Variants in GNA14 observed in about 807,000 individuals in gnomAD.
GNA14 encodes the protein G protein subunit alpha 14, also known as guanine nucleotide-binding protein subunit alpha-14.
Under a neutral mutation model 42.0 loss-of-function variants are expected in GNA14, and 50 were observed. The ratio of observed to expected loss-of-function variants is 1.19; its 90% CI spans 0.95 to 1.51. The LOEUF (loss-of-function observed/expected upper bound fraction) is 1.51. Among genes scored for constraint, GNA14 ranks in the 40% most tolerant of loss-of-function variants. The probability of loss-of-function intolerance (pLI) is 0.00; values close to 1 mark genes in which losing one functional copy is unlikely to be tolerated. For synonymous variants in GNA14, 173 were observed against 163.1 expected (o/e 1.06, Z -0.46); for missense variants, 473 against 446.2 (o/e 1.06, Z -0.54).
chr9:77,586,601 C>G (rs1175663941), intron 1 of GNA14, among the ~76,000 whole-genome samples: 1 of 152,208 alleles, frequency 6.6e-6, no homozygotes, highest in Non-Finnish European at 1.5e-5. Context: ...AGCTCTCTCT[C>G]CTGCACACAG....
intron 2 of GNA14, among the ~76,000 whole-genome samples, chr9:77,487,200 G>C (rs915996806): frequency 6.6e-6 from 1 of 152,138 alleles, no homozygotes; most frequent in Non-Finnish European, 1.5e-5. Context: ...AGGTAGGATG[G>C]AGCTGGACAG....
chr9:77,433,329 A>AC (rs1353350518), intron 3 of GNA14, among the ~76,000 whole-genome samples: 1 of 152,014 alleles, frequency 6.6e-6, no homozygotes, highest in Non-Finnish European at 1.5e-5. Context: ...CAAACTATTT[A>AC]CCCGGTGACC....
chr9:77,491,720 A>T (rs1159881594), intron 2 of GNA14, among the ~76,000 whole-genome samples: 1 of 152,242 alleles, frequency 6.6e-6, no homozygotes, highest in Non-Finnish European at 1.5e-5. Context: ...CTGGTAGCGT[A>T]CTTCAACATC....
At chr9:77,540,946 T>A (rs1025271546) in intron 1 of GNA14, among the ~76,000 whole-genome samples, 1 of 152,188 alleles carries the variant, frequency 6.6e-6, no homozygotes, top group Non-Finnish European at 1.5e-5. Context: ...ATTTAATCCG[T>A]TTATATTCAA....
chr9:77,541,737 T>C (rs1398265165), intron 1 of GNA14, among the ~76,000 whole-genome samples: 1 of 141,576 alleles, frequency 7.1e-6, no homozygotes, highest in Non-Finnish European at 1.5e-5. Flanking sequence ...TTCTTTTTTC[T>C]TTTTTTCTTT....
At chr9:77,546,217 A>AG (rs1418349739) in intron 1 of GNA14, among the ~76,000 whole-genome samples, 1 of 120,330 alleles carries the variant, frequency 8.3e-6, no homozygotes, top group Non-Finnish European at 1.6e-5. Context: ...CTCCATCTCA[A>AG]AAAAAAAAAA....
chr9:77,523,102 T>C (rs2131762658), intron 2 of GNA14, among the ~76,000 whole-genome samples: 1 of 152,354 alleles, frequency 6.6e-6, no homozygotes, highest in Non-Finnish European at 1.5e-5. Flanking sequence ...AAACATTGCC[T>C]TCTAAATTAG....
chr9:77,507,312 C>A (rs1564035290), intron 2 of GNA14, among the ~76,000 whole-genome samples: 1 of 152,204 alleles, frequency 6.6e-6, no homozygotes, highest in Non-Finnish European at 1.5e-5. Flanking sequence ...GTCCAAATGG[C>A]TCGTTGGGGT....
rs1445932704 is a variant in GNA14, at chr9:77,467,445, G to T, written c.310-32923C>A. Among the ~76,000 whole-genome samples, 20 of 151,122 alleles carry T rather than the reference G, an allele frequency of 1.3e-4. No homozygotes were observed. The Admixed American group carries it at 1.3e-3, about 10-fold the overall frequency. On this transcript the variant is annotated intron_variant, in intron 2 of 6. Transcript: ENST00000341700. The stretch of plus-strand genomic sequence containing the variant: ...GTACACCACGCTTCTGGAGCCCTTG[G>T]GGTGAACATCATCTCAGGAAGGGTA...
At chr9:77,477,965 C>T (rs200372200) in intron 2 of GNA14, among the ~76,000 whole-genome samples, 3 of 148,300 alleles carry the variant, frequency 2.0e-5, no homozygotes, top group Admixed American at 2.0e-4. Context: ...AGTGTAATAG[C>T]GATCTGATGG....
chr9:77,483,874 T>C (rs1836609137), intron 2 of GNA14, among the ~76,000 whole-genome samples: 1 of 151,882 alleles, frequency 6.6e-6, no homozygotes, highest in African/African-American at 2.4e-5. Flanking sequence ...AATGTAGAAT[T>C]AGAATGACAT....
chr9:77,625,216 T>G (rs913994270), intron 1 of GNA14, among the ~76,000 whole-genome samples: 1 of 151,706 alleles, frequency 6.6e-6, no homozygotes, highest in Non-Finnish European at 1.5e-5. Flanking sequence ...TGAAAAGGAA[T>G]GAATAAAGCC....
intron 5 of GNA14, among the ~76,000 whole-genome samples, chr9:77,427,114 GA>G (rs1257695052): frequency 6.6e-6 from 1 of 152,172 alleles, no homozygotes; most frequent in Non-Finnish European, 1.5e-5. Context: ...ACCAGGAGGG[GA>G]AAGTCTGGAG....
Position 77,582,773 on chromosome 9 carries a change from C to T in GNA14, c.125-53520G>A, listed in dbSNP as rs188479583. 1.3e-3 allele frequency among the ~76,000 whole-genome samples: 199 copies of T among 152,270 alleles called. 1 individual carries two copies. Among genetic ancestry groups the T allele is most frequent in the African/African-American group, 4.4e-3 (181 of 41,556 alleles). Reference sequence around the variant, plus strand: ...ATTGTGCAACACCTCCTGTTGTTGCCTACGTATCTGTGCTTGCCTAACATA... The same window carrying T: ...ATTGTGCAACACCTCCTGTTGTTGCTTACGTATCTGTGCTTGCCTAACATA... On this transcript the variant is annotated intron_variant, in intron 1 of 6. Coordinates refer to ENST00000341700, the MANE Select transcript of GNA14 (RefSeq NM_004297.4).
intron 1 of GNA14, among the ~76,000 whole-genome samples, chr9:77,610,812 G>A (rs1389797640): frequency 6.6e-6 from 1 of 152,162 alleles, no homozygotes. Context: ...TCTGTAAGAT[G>A]TAAGAAGACT....
At chr9:77,534,556 G>C (rs191611143) in intron 1 of GNA14, among the ~76,000 whole-genome samples, 1 of 152,318 alleles carries the variant, frequency 6.6e-6, no homozygotes, top group East Asian at 1.9e-4. Flanking sequence ...ATTGTGATGT[G>C]TTCTGAAACC....
intron 2 of GNA14, among the ~76,000 whole-genome samples, chr9:77,458,905 G>T (rs1017379983): frequency 2.1e-5 from 1 of 47,952 alleles, no homozygotes; most frequent in Non-Finnish European, 3.8e-5. Flanking sequence ...ACAAGCTGGA[G>T]GGGGGGGGGT....
At chr9:77,573,310 A>T (rs992291081) in intron 1 of GNA14, among the ~76,000 whole-genome samples, 1 of 151,982 alleles carries the variant, frequency 6.6e-6, no homozygotes. Flanking sequence ...TTAGCCAGAC[A>T]TGGTGGCAGG....
intron 1 of GNA14, among the ~76,000 whole-genome samples, chr9:77,559,102 T>C (rs999792356): frequency 6.6e-6 from 1 of 152,180 alleles, no homozygotes; most frequent in African/African-American, 2.4e-5. Flanking sequence ...CACTTTGACA[T>C]AAACCAGAGG....
Sources: gnomAD v4.1 joint callset for allele counts (sites outside exome capture counted in the v4.1 genomes callset) on GRCh38, gnomAD v4.1.1 for gene constraint, MANE v1.5 for transcripts, NCBI Gene and HGNC (gene_info 2026-07-23, HGNC 2026-07-21) for gene names.